The following CFTR variants were observed in gnomAD, a reference collection of about 807,000 sequenced individuals.
CFTR encodes cystic fibrosis transmembrane conductance regulator.
CFTR carries 181 observed loss-of-function variants against 171.6 expected under a neutral mutation model. That is an observed-to-expected ratio of 1.05 (90% CI 0.93 to 1.19). The LOEUF (loss-of-function observed/expected upper bound fraction) is 1.19. CFTR is among the 50% of genes most tolerant of loss of function. The probability of loss-of-function intolerance (pLI) is 0.00; values close to 1 mark genes in which losing one functional copy is unlikely to be tolerated. For missense variants in CFTR, 1,968 were observed against 1,734.7 expected (o/e 1.13, Z -2.39); for synonymous variants, 583 against 608.0 (o/e 0.96, Z 0.60).
chr7:117,597,947 CT>C (rs1376110437), intron 15 of CFTR, among the ~76,000 whole-genome samples: 1 of 152,070 alleles, frequency 6.6e-6, no homozygotes, highest in Non-Finnish European at 1.5e-5. Context: ...CACATAAATG[CT>C]TAAAAGGGCC....
chr7:117,567,314 A>G (rs1562900989), intron 11 of CFTR, among the ~76,000 whole-genome samples: 1 of 152,282 alleles, frequency 6.6e-6, no homozygotes, highest in East Asian at 1.9e-4. Flanking sequence ...CTCTGGCTGA[A>G]TATTTCCATC....
chr7:117,623,621 A>G (rs1792612275), intron 21 of CFTR, among the ~76,000 whole-genome samples: 1 of 152,208 alleles, frequency 6.6e-6, no homozygotes, highest in Non-Finnish European at 1.5e-5. Flanking sequence ...TCATCCAAAC[A>G]GCAATGAATA....
chr7:117,509,261 C>T, intron 3 of CFTR, 119 bp downstream of exon 3: 1 of 714,528 alleles, frequency 1.4e-6, no homozygotes, highest in Non-Finnish European at 2.5e-6. Context: ...AATCCAACTC[C>T]AAACACTAAG....
intron 15 of CFTR, 138 bp downstream of exon 15, chr7:117,595,196 C>T: frequency 1.6e-6 from 1 of 641,536 alleles, no homozygotes; most frequent in African/African-American, 1.8e-5. Context: ...TATATACACA[C>T]ATATATCACT....
Position 117,611,748 on chromosome 7 carries a change from A to G in CFTR, c.3307A>G (p.Ile1103Val). Residue 1103 changes from isoleucine to valine, a missense_variant, in exon 20 of 27, where the codon ATA (isoleucine) becomes GTA (valine). By Grantham distance (29) the Ile-to-Val change is conservative. Coordinates refer to ENST00000003084, the MANE Select transcript of CFTR (RefSeq NM_000492.4). The stretch of plus-strand genomic sequence containing the variant: ...AACACTGCGCTGGTTCCAAATGAGA[A>G]TAGAAATGATTTTTGTCATCTTCTT... ...LSTLRWFQMR[I>V]EMIFVIFFIA... 6.2e-7 allele frequency: 1 copy of G among 1,613,544 alleles called. No homozygotes were observed. Among genetic ancestry groups the G allele is most frequent in the Non-Finnish European group, 8.5e-7 (1 of 1,179,744 alleles).
intron 20 of CFTR, among the ~76,000 whole-genome samples, chr7:117,613,997 A>ATGTTTTT (rs1468130932): frequency 1.7e-4 from 23 of 132,020 alleles, no homozygotes; most frequent in African/African-American, 6.9e-4. Context: ...AGGTACAGTA[A>ATGTTTTT]TCTTTTTTTT....
chr7:117,563,908 C>A (rs1478867490), intron 11 of CFTR, among the ~76,000 whole-genome samples: 1 of 151,996 alleles, frequency 6.6e-6, no homozygotes, highest in African/African-American at 2.4e-5. Context: ...AAAAAATCAG[C>A]CAGGTATTTC....
Position 117,667,439 on chromosome 7 carries a change from C to G in CFTR, c.*331C>G, listed in dbSNP as rs1326617839. On this transcript the variant is annotated 3_prime_UTR_variant, in exon 27 of 27. Transcript: ENST00000003084. Reference sequence around the variant, plus strand: ...AAGGCAGCTCTAAATGTCAATCAGCCTAGTTGATCAGCTTATTGTCTAGTG... The same window carrying G: ...AAGGCAGCTCTAAATGTCAATCAGCGTAGTTGATCAGCTTATTGTCTAGTG... 1 of 368,754 alleles carries G rather than the reference C, an allele frequency of 2.7e-6. No individual in the cohort carries two copies. The highest frequency in any genetic ancestry group is 5.2e-6 in the Non-Finnish European group (1 of 190,706). 22.8% of individuals were successfully genotyped at this position (368,754 alleles called of 1,614,324 possible). A position where few individuals can be genotyped will look rare whatever the true frequency, so the allele number is the denominator to read the frequency against.
At chr7:117,509,708 C>A (rs897045475) in intron 3 of CFTR, among the ~76,000 whole-genome samples, 1 of 152,086 alleles carries the variant, frequency 6.6e-6, no homozygotes, top group Admixed American at 6.6e-5. Context: ...AGTTGCACAC[C>A]TGAAAATCCA....
At position 117,627,649 on chromosome 7, in the gene CFTR, A is replaced by G. The variant is rs751486159; in HGVS notation, c.3596A>G (p.Lys1199Arg). The change falls in exon 22 of 27, where the codon AAG becomes AGG. Residue 1199 changes from lysine (K) to arginine (R), a missense_variant. Transcript: ENST00000003084. ...ATGATTATTGAGAATTCACACGTGA[A>G]GAAAGATGACATCTGGCCCTCAGGG... The part of the protein sequence containing the change: ...KVMIIENSHV[K>R]KDDIWPSGGQ... The G allele has an allele frequency of 1.9e-6, 3 of 1,613,552 alleles. No individual in the cohort carries two copies. Among genetic ancestry groups the G allele is most frequent in the South Asian group, 2.2e-5 (2 of 91,076 alleles).
intron 21 of CFTR, among the ~76,000 whole-genome samples, chr7:117,623,195 G>C (rs1247813312): frequency 6.6e-6 from 1 of 152,166 alleles, no homozygotes; most frequent in African/African-American, 2.4e-5. Context: ...TGAAGAATGG[G>C]GTTCATTGTG....
Position 117,480,059 on chromosome 7 carries a change from G to C in CFTR, c.-36G>C. The stretch of plus-strand genomic sequence containing the variant: ...CTTTGGCATTAGGAGCTTGAGCCCA[G>C]ACGGCCCTAGCAGGGACCCCAGCGC... On this transcript the variant is annotated 5_prime_UTR_variant, in exon 1 of 27. Transcript: ENST00000003084. The C allele has an allele frequency of 5.0e-6, 8 of 1,607,356 alleles. No homozygotes were observed. The highest frequency in any genetic ancestry group is 6.8e-6 in the Non-Finnish European group (8 of 1,174,016).
In CFTR at chr7:117,610,568, C is replaced by G. The variant is rs193922516; in HGVS notation, c.3038C>G (p.Pro1013Arg). Residue 1013 changes from proline (P) to arginine (R), a missense_variant, in exon 19 of 27, where the codon CCC becomes CGC. Pro to Arg is a moderately radical substitution (Grantham distance 103). Coordinates refer to ENST00000003084, the MANE Select transcript of CFTR (RefSeq NM_000492.4). ...GAIAVVAVLQ[P>R]YIFVATVPVI... ...ATAGCAGTTGTCGCAGTTTTACAAC[C>G]CTACATCTTTGTTGCAACAGTGCCA... 1.2e-6 allele frequency: 2 copies of G among 1,613,334 alleles called. No individual in the cohort carries two copies. Among genetic ancestry groups the G allele is most frequent in the African/African-American group, 1.3e-5 (1 of 74,972 alleles).
At chr7:117,488,671 G>A (rs1428807689) in intron 1 of CFTR, among the ~76,000 whole-genome samples, 2 of 151,992 alleles carry the variant, frequency 1.3e-5, no homozygotes, top group South Asian at 2.1e-4. Flanking sequence ...CCATGGGACC[G>A]CAGTGTATAC....
chr7:117,622,715 A>C (rs2116117211), intron 21 of CFTR, among the ~76,000 whole-genome samples: 1 of 152,290 alleles, frequency 6.6e-6, no homozygotes, highest in Admixed American at 6.5e-5. Flanking sequence ...GAACAACCAA[A>C]AGGATGAAAG....
chr7:117,589,338 C>T (rs1017327825), intron 12 of CFTR, among the ~76,000 whole-genome samples: 2 of 151,742 alleles, frequency 1.3e-5, no homozygotes, highest in African/African-American at 4.8e-5. Flanking sequence ...TAAAGTTTTG[C>T]CATTGGTTTT....
rs1212874715 is a variant in CFTR, at chr7:117,588,667, C to T, written c.1679+834C>T. Among the ~76,000 whole-genome samples the T allele has an allele frequency of 3.3e-5, 5 of 152,112 alleles. No individual in the cohort carries two copies. The East Asian group carries it at 9.6e-4, about 29-fold the overall frequency. Reference sequence around the variant, plus strand: ...GCACCTGCAATTGCCTGGTAGTATTCTAGTCATGTGTGTACTTTTGTGTGT... The same window carrying T: ...GCACCTGCAATTGCCTGGTAGTATTTTAGTCATGTGTGTACTTTTGTGTGT... On this transcript the variant is annotated intron_variant, in intron 12 of 26. Transcript: ENST00000003084.
chr7:117,554,147 T>G (rs1377437769), intron 10 of CFTR, among the ~76,000 whole-genome samples: 1 of 152,060 alleles, frequency 6.6e-6, no homozygotes, highest in East Asian at 1.9e-4. Context: ...TGGCTAATGT[T>G]TTTAGGCTAT....
intron 3 of CFTR, among the ~76,000 whole-genome samples, chr7:117,512,452 C>T (rs1012850243): frequency 3.3e-5 from 5 of 151,672 alleles, no homozygotes; most frequent in African/African-American, 1.2e-4. Flanking sequence ...ATGGTGAAAC[C>T]CTGTCTCTAC....
Sources: allele counts gnomAD v4.1 joint callset (sites outside exome capture counted in the v4.1 genomes callset), GRCh38; gene constraint gnomAD v4.1.1; transcripts MANE v1.5; gene names NCBI Gene and HGNC (gene_info 2026-07-23, HGNC 2026-07-21).